Variants in CLIP2 observed in about 807,000 individuals in gnomAD.
CLIP2 encodes CAP-Gly domain-containing linker protein 2.
CLIP2 carries 41 observed loss-of-function variants against 111.7 expected under a neutral mutation model. The ratio of observed to expected loss-of-function variants is 0.37; its 90% CI spans 0.29 to 0.48. CLIP2 has a LOEUF of 0.48. CLIP2 is among the 20% of genes least tolerant of loss of function. CLIP2 has a pLI of 0.99. For synonymous variants in CLIP2, 660 were observed against 644.2 expected (o/e 1.02, Z -0.37); for missense variants, 1,160 against 1,422.1 (o/e 0.82, Z 2.96).
intron 1 of CLIP2, among the ~76,000 whole-genome samples, chr7:74,296,328 G>C (rs1788168255): frequency 6.6e-6 from 1 of 151,954 alleles, no homozygotes; most frequent in Non-Finnish European, 1.5e-5. Flanking sequence ...GGCCAACATG[G>C]TGAAACTCTT....
chr7:74,351,066 AGAAAGAAAGAAAGAAAG>A (rs1789977751), intron 3 of CLIP2, among the ~76,000 whole-genome samples: 3 of 53,300 alleles, frequency 5.6e-5, no homozygotes, highest in Non-Finnish European at 8.6e-5. Flanking sequence ...AGAAAGAAAG[AGAAAGAAAGAAAGAAAG>A]AAAAAGAAGG....
At chr7:74,345,298 G>A (rs1321319694) in intron 3 of CLIP2, among the ~76,000 whole-genome samples, 1 of 151,876 alleles carries the variant, frequency 6.6e-6, no homozygotes, top group Admixed American at 6.6e-5. Flanking sequence ...ATAGTGGCGC[G>A]ATCTCGACTA....
chr7:74,395,696 C>T (rs1562730102), intron 13 of CLIP2, among the ~76,000 whole-genome samples: 3 of 152,150 alleles, frequency 2.0e-5, no homozygotes, highest in African/African-American at 7.2e-5. Context: ...TACAGGCCAC[C>T]GTGGGCTCCT....
At chr7:74,340,800 G>C (rs1360436786) in intron 3 of CLIP2, among the ~76,000 whole-genome samples, 1 of 152,154 alleles carries the variant, frequency 6.6e-6, no homozygotes, top group Non-Finnish European at 1.5e-5. Flanking sequence ...GGGGTGTGAG[G>C]AGCTGTCGGT....
intron 1 of CLIP2, among the ~76,000 whole-genome samples, chr7:74,291,669 G>A (rs1788023479): frequency 6.6e-6 from 1 of 152,192 alleles, no homozygotes; most frequent in Non-Finnish European, 1.5e-5. Context: ...TTCAGGGAGA[G>A]GAGGCTCGTG....
At chr7:74,381,049 A>G (rs1790931354) in intron 11 of CLIP2, 186 bp downstream of exon 11, 2 of 464,436 alleles carry the variant, frequency 4.3e-6, no homozygotes, top group Non-Finnish European at 7.7e-6. Context: ...GCATTGCACC[A>G]GCCTTCCAAG....
chr7:74,373,611 TG>T (rs1391694242), intron 9 of CLIP2, among the ~76,000 whole-genome samples: 1 of 152,148 alleles, frequency 6.6e-6, no homozygotes, highest in African/African-American at 2.4e-5. Flanking sequence ...CCCAGCTTAT[TG>T]CCCCAGCAGC....
chr7:74,389,904 A>T (rs1791225282), intron 13 of CLIP2, among the ~76,000 whole-genome samples: 1 of 133,806 alleles, frequency 7.5e-6, no homozygotes, highest in Admixed American at 8.2e-5. Flanking sequence ...CATCTCAAAA[A>T]AATAATAATA....
intron 2 of CLIP2, among the ~76,000 whole-genome samples, chr7:74,326,085 CA>C (rs1395792963): frequency 6.6e-6 from 1 of 151,940 alleles, no homozygotes; most frequent in Non-Finnish European, 1.5e-5. Context: ...CTAAAAATAA[CA>C]AAAATTAGCC....
At chr7:74,302,326 C>T (rs1788363546) in intron 1 of CLIP2, among the ~76,000 whole-genome samples, 3 of 152,132 alleles carry the variant, frequency 2.0e-5, no homozygotes, top group African/African-American at 7.2e-5. Flanking sequence ...AGCGATTCTC[C>T]TGCCTCAGCC....
intron 1 of CLIP2, among the ~76,000 whole-genome samples, chr7:74,316,434 A>G (rs1249842966): frequency 2.0e-5 from 3 of 151,788 alleles, no homozygotes. Flanking sequence ...TATTTTCTGT[A>G]GCGACAAAGT....
chr7:74,305,329 G>C (rs1788448078), intron 1 of CLIP2, among the ~76,000 whole-genome samples: 1 of 152,174 alleles, frequency 6.6e-6, no homozygotes, highest in Admixed American at 6.6e-5. Flanking sequence ...GGGTTGTGCA[G>C]CCTGGCCTCC....
Position 74,404,576 on chromosome 7 carries a change from GTAT to G in CLIP2, c.*732_*734del, listed in dbSNP as rs1791716597. On this transcript the variant is annotated 3_prime_UTR_variant, in exon 17 of 17. Transcript: ENST00000223398. ...AGATGTCACCAAGGCCAAAGACACA[GTAT>G]TATGAAGGTTTGGAAACCCCTCTCC... 1 of 152,890 alleles carries G rather than the reference GTAT, an allele frequency of 6.5e-6. No homozygotes were observed. Among genetic ancestry groups the G allele is most frequent in the Admixed American group, 6.5e-5 (1 of 15,308 alleles). The allele number at this position is 152,890 out of a possible 1,614,324, so 9.5% of individuals were successfully genotyped here.
chr7:74,331,205 C>CAAAAAA (rs58844348), intron 2 of CLIP2, among the ~76,000 whole-genome samples: 3 of 59,954 alleles, frequency 5.0e-5, no homozygotes, highest in African/African-American at 1.5e-4. Context: ...GACTCCATCT[C>CAAAAAA]AAAAAAAAAA....
chr7:74,359,428 A>G (rs1554309279), intron 6 of CLIP2, among the ~76,000 whole-genome samples: 1 of 141,166 alleles, frequency 7.1e-6, no homozygotes, highest in African/African-American at 2.7e-5. Context: ...ATCTTGGCTC[A>G]CTGCAAGCTC....
At position 74,289,417 on chromosome 7, in the gene CLIP2, C is replaced by T. The variant is rs912061914; in HGVS notation, c.-385C>T. The T allele has an allele frequency of 2.0e-5, 3 of 151,140 alleles. No individual in the cohort carries two copies. The highest frequency in any genetic ancestry group is 6.6e-5 in the Admixed American group (1 of 15,172). The allele number at this position is 151,140 out of a possible 1,614,324, so 9.4% of individuals were successfully genotyped here. ...GCCCCTGCGCCGGCCCCTTTTGTTC[C>T]CTCCCGGAGCCGGGCCGCTGGCTCC... On this transcript the variant is annotated 5_prime_UTR_variant, in exon 1 of 17. Coordinates refer to ENST00000223398, the MANE Select transcript of CLIP2 (RefSeq NM_003388.5).
chr7:74,305,270 A>G (rs1225683419), intron 1 of CLIP2, among the ~76,000 whole-genome samples: 1 of 147,306 alleles, frequency 6.8e-6, no homozygotes, highest in Non-Finnish European at 1.5e-5. Context: ...CTGGGTTTGC[A>G]TTTTCCTGTT....
intron 1 of CLIP2, among the ~76,000 whole-genome samples, chr7:74,300,628 T>G (rs1202954310): frequency 6.6e-6 from 1 of 151,946 alleles, no homozygotes; most frequent in East Asian, 1.9e-4. Flanking sequence ...GCTAATTTTT[T>G]TATATTTTTA....
intron 1 of CLIP2, among the ~76,000 whole-genome samples, chr7:74,309,305 G>A (rs917695782): frequency 4.0e-5 from 6 of 151,834 alleles, no homozygotes; most frequent in Admixed American, 1.3e-4. Flanking sequence ...ATGAAACCCC[G>A]TCTCTACTAA....
Sources: gnomAD v4.1 joint callset for allele counts (sites outside exome capture counted in the v4.1 genomes callset) on GRCh38, gnomAD v4.1.1 for gene constraint, MANE v1.5 for transcripts, NCBI Gene and HGNC (gene_info 2026-07-23, HGNC 2026-07-21) for gene names.